The following NDUFAF2 variants were observed in gnomAD, a reference collection of about 807,000 sequenced individuals.
NDUFAF2 encodes NADH:ubiquinone oxidoreductase complex assembly factor 2.
NDUFAF2 carries 13 observed loss-of-function variants against 22.8 expected under a neutral mutation model. That is an observed-to-expected ratio of 0.57 (90% CI 0.37 to 0.91). NDUFAF2 has a LOEUF of 0.91. NDUFAF2 is among the 40% of genes least tolerant of loss of function. NDUFAF2 has a pLI of 0.01. For missense variants in NDUFAF2, 162 were observed against 195.2 expected, an observed-to-expected ratio of 0.83 and a Z score of 1.01; for synonymous variants, 53 against 64.2, an observed-to-expected ratio of 0.83 and a Z score of 0.84.
At chr5:60,981,336 AAAAATGTCCTTC>A (rs1446103255) in intron 1 of NDUFAF2, among the ~76,000 whole-genome samples, 1 of 152,202 alleles carries the variant, frequency 6.6e-6, no homozygotes, top group East Asian at 1.9e-4. Flanking sequence ...TATATCTGGC[AAAAATGTCCTTC>A]AAACATAAAG....
intron 3 of NDUFAF2, among the ~76,000 whole-genome samples, chr5:61,119,060 C>T (rs1027569466): frequency 2.6e-5 from 4 of 152,060 alleles, no homozygotes; most frequent in Admixed American, 2.0e-4. Context: ...TTTAAAAGAA[C>T]ATATTGGGTC....
At chr5:60,967,136 T>G (rs1318883975) in intron 1 of NDUFAF2, among the ~76,000 whole-genome samples, 1 of 151,994 alleles carries the variant, frequency 6.6e-6, no homozygotes, top group Non-Finnish European at 1.5e-5. Flanking sequence ...ATTTTTTTAT[T>G]CTTTTATTGG....
intron 1 of NDUFAF2, among the ~76,000 whole-genome samples, chr5:61,022,103 C>T (rs1456965138): frequency 6.6e-6 from 1 of 152,162 alleles, no homozygotes; most frequent in Admixed American, 6.6e-5. Context: ...AAATGTCAAC[C>T]TCATCTAGAA....
chr5:60,982,711 C>A (rs1370784462), intron 1 of NDUFAF2, among the ~76,000 whole-genome samples: 1 of 151,848 alleles, frequency 6.6e-6, no homozygotes, highest in African/African-American at 2.4e-5. Flanking sequence ...CGTCCATGTC[C>A]CTACAAAGGA....
At chr5:60,955,873 T>A (rs1163472083) in intron 1 of NDUFAF2, among the ~76,000 whole-genome samples, 1 of 152,076 alleles carries the variant, frequency 6.6e-6, no homozygotes, top group Admixed American at 6.6e-5. Flanking sequence ...TCAGATAATT[T>A]GTTGATAGTA....
chr5:61,018,454 T>C (rs1459049624), intron 1 of NDUFAF2, among the ~76,000 whole-genome samples: 1 of 152,158 alleles, frequency 6.6e-6, no homozygotes, highest in African/African-American at 2.4e-5. Context: ...ATAAGTTTAA[T>C]CCAATCAGTA....
At chr5:61,150,572 A>G (rs1741219571) in intron 3 of NDUFAF2, among the ~76,000 whole-genome samples, 1 of 152,182 alleles carries the variant, frequency 6.6e-6, no homozygotes, top group Admixed American at 6.5e-5. Flanking sequence ...TCTTTTCATC[A>G]AAAAGCATAT....
intron 2 of NDUFAF2, among the ~76,000 whole-genome samples, chr5:61,084,108 A>G (rs746577435): frequency 6.6e-6 from 1 of 151,720 alleles, no homozygotes; most frequent in Non-Finnish European, 1.5e-5. Context: ...AAGGTTTTTT[A>G]GATGCCTGCT....
At chr5:61,021,592 C>T (rs2112604117) in intron 1 of NDUFAF2, among the ~76,000 whole-genome samples, 1 of 152,290 alleles carries the variant, frequency 6.6e-6, no homozygotes, top group Non-Finnish European at 1.5e-5. Context: ...CTTATTCTGT[C>T]TATTCACATT....
chr5:61,020,339 T>C lies in NDUFAF2; in HGVS notation c.128-52786T>C, dbSNP rs1414645191. The stretch of plus-strand genomic sequence containing the variant: ...CCACTGGTATTATTTTTCTGATTTC[T>C]TGAATTAAATTTTAGATAATCAGTT... On this transcript the variant is annotated intron_variant, in intron 1 of 3. Coordinates refer to ENST00000296597, the MANE Select transcript of NDUFAF2 (RefSeq NM_174889.5). Among the ~76,000 whole-genome samples, 15 of 152,324 alleles carry C rather than the reference T, an allele frequency of 9.8e-5. No individual in the cohort carries two copies. The South Asian group carries it at 3.1e-3, about 32-fold the overall frequency.
At chr5:60,979,154 G>A (rs549081342) in intron 1 of NDUFAF2, among the ~76,000 whole-genome samples, 40 of 152,326 alleles carry the variant, frequency 2.6e-4, no homozygotes, top group Admixed American at 4.6e-4. Context: ...ATAATCAGCA[G>A]TAGTAGCTAA....
At chr5:60,960,675 T>C (rs994950140) in intron 1 of NDUFAF2, among the ~76,000 whole-genome samples, 2 of 152,218 alleles carry the variant, frequency 1.3e-5, no homozygotes, top group Admixed American at 1.3e-4. Context: ...CTTCACTGTT[T>C]GATTGTTTGA....
intron 1 of NDUFAF2, among the ~76,000 whole-genome samples, chr5:61,015,733 C>T (rs1434116716): frequency 6.6e-6 from 1 of 152,012 alleles, no homozygotes; most frequent in African/African-American, 2.4e-5. Context: ...CTGTAAATTT[C>T]CAAGTTTCTA....
intron 2 of NDUFAF2, among the ~76,000 whole-genome samples, chr5:61,096,451 T>G (rs1176946031): frequency 6.6e-6 from 1 of 151,650 alleles, no homozygotes; most frequent in Non-Finnish European, 1.5e-5. Flanking sequence ...ATACAAAAAT[T>G]AGCTGGGCGT....
intron 1 of NDUFAF2, among the ~76,000 whole-genome samples, chr5:60,949,893 A>G (rs1190757157): frequency 6.6e-6 from 1 of 152,194 alleles, no homozygotes; most frequent in Non-Finnish European, 1.5e-5. Flanking sequence ...TGTTACTATT[A>G]TATTGAAGTA....
intron 1 of NDUFAF2, among the ~76,000 whole-genome samples, chr5:61,027,869 A>G (rs1380166049): frequency 6.6e-6 from 1 of 151,428 alleles, no homozygotes; most frequent in Non-Finnish European, 1.5e-5. Flanking sequence ...TTTTGTTTTT[A>G]TGTATGAGAT....
chr5:61,075,279 T>G (rs1415114440), intron 2 of NDUFAF2, among the ~76,000 whole-genome samples: 2 of 152,122 alleles, frequency 1.3e-5, no homozygotes, highest in African/African-American at 4.8e-5. Context: ...AGCATGTGAA[T>G]GTAAACATCA....
intron 2 of NDUFAF2, among the ~76,000 whole-genome samples, chr5:61,094,373 C>T (rs1003224066): frequency 8.5e-5 from 13 of 152,134 alleles, no homozygotes; most frequent in African/African-American, 2.2e-4. Flanking sequence ...CTGTTTTGTC[C>T]GTCAGCCTCT....
At position 60,945,369 on chromosome 5, in the gene NDUFAF2, C is replaced by G. The variant is rs199754807; in HGVS notation, c.114C>G (p.Tyr38Ter). The G allele has an allele frequency of 1.2e-4, 188 of 1,614,102 alleles. No individual in the cohort carries two copies. Among genetic ancestry groups the G allele is most frequent in the Non-Finnish European group, 1.5e-4 (182 of 1,180,052 alleles). The change falls in exon 1 of 4, where the codon TAC becomes TAG. Residue 38 changes from tyrosine to a stop codon, truncating the protein, a stop_gained. Transcript: ENST00000296597. LOFTEE classifies it high-confidence loss of function. ...ACAAATACTACTACATCCCGCAGTACAAGAACTGGAGAGGTGAGGTGGCGG... is the reference window on the plus strand; with the variant it reads ...ACAAATACTACTACATCCCGCAGTAGAAGAACTGGAGAGGTGAGGTGGCGG... ...FGNKYYYIPQ[Y>*]KNWRGQTIRE...
Sources: allele counts gnomAD v4.1 joint callset (sites outside exome capture counted in the v4.1 genomes callset), GRCh38; gene constraint gnomAD v4.1.1; transcripts MANE v1.5; gene names NCBI Gene and HGNC (gene_info 2026-07-23, HGNC 2026-07-21).